NBDY: variants seen among roughly 807,000 people sequenced by gnomAD.
NBDY encodes P-body dissociating protein.
At chrX:56,784,069 G>A (rs748464956) in intron 2 of NBDY, among the ~76,000 whole-genome samples, 103 of 111,723 alleles carry the variant, frequency 9.2e-4, no homozygotes, top group African/African-American at 3.3e-3. Context: ...GGTCGCACTG[G>A]GGGCAGTGTG....
intron 2 of NBDY, among the ~76,000 whole-genome samples, chrX:56,735,123 G>A (rs1256626384): frequency 8.9e-6 from 1 of 111,957 alleles, no homozygotes; most frequent in Non-Finnish European, 1.9e-5. Flanking sequence ...GACAGCTTTT[G>A]ATAATAGAAA....
intron 2 of NBDY, among the ~76,000 whole-genome samples, chrX:56,755,063 G>A (rs1193680199): frequency 1.8e-5 from 2 of 111,524 alleles, no homozygotes; most frequent in Non-Finnish European, 1.9e-5. Context: ...TTAATAAATG[G>A]TGCTGGGAAA....
At chrX:56,736,242 G>T (rs1157332148) in intron 2 of NBDY, among the ~76,000 whole-genome samples, 3 of 111,956 alleles carry the variant, frequency 2.7e-5, no homozygotes, top group Non-Finnish European at 5.6e-5. Context: ...ATTTAGGGGT[G>T]GAAATGATGA....
At chrX:56,788,653 G>A (rs1025540558) in intron 2 of NBDY, among the ~76,000 whole-genome samples, 1 of 111,764 alleles carries the variant, frequency 8.9e-6, no homozygotes, top group Admixed American at 9.4e-5. Context: ...GGGGCCTTCT[G>A]GCCTTACTGT....
chrX:56,810,828 G>C (rs1431272360), intron 2 of NBDY, among the ~76,000 whole-genome samples: 1 of 111,048 alleles, frequency 9.0e-6, no homozygotes, highest in East Asian at 2.9e-4. Context: ...AGGAGAAAAA[G>C]TGTTCGGTTT....
intron 2 of NBDY, among the ~76,000 whole-genome samples, chrX:56,739,236 G>GTATATATATATATATA (rs67727538): frequency 0.014 from 808 of 57,793 alleles, 31 homozygotes; most frequent in African/African-American, 0.044. Context: ...GTGTTTGTGT[G>GTATATATATATATATA]TGTATATATA....
chrX:56,781,655 T>C (rs1055915992), intron 2 of NBDY, among the ~76,000 whole-genome samples: 8 of 111,704 alleles, frequency 7.2e-5, no homozygotes, highest in Admixed American at 6.6e-4. Context: ...TTACTTTTCG[T>C]CCGCTTCTGT....
chrX:56,750,809 C>T (rs748997320), intron 2 of NBDY, among the ~76,000 whole-genome samples: 174 of 111,360 alleles, frequency 1.6e-3, no homozygotes, highest in African/African-American at 5.3e-3. Flanking sequence ...AACTCTAGTC[C>T]CATTCCCCGG....
At position 56,798,465 on chromosome X, in the gene NBDY, G is replaced by C. The variant is rs778957784; in HGVS notation, c.*167-18855G>C. 1.6e-3 allele frequency among the ~76,000 whole-genome samples: 176 copies of C among 111,563 alleles called. 1 individual carries two copies. The highest frequency in any genetic ancestry group is 9.2e-3 in the Middle Eastern group (2 of 217). ...GAGTTGCTGAGTGTGCTTTCTAAGG[G>C]ATACACCTGCCTCAGGTCCTGTGGC... is the stretch of plus-strand genomic sequence containing the variant. On this transcript the variant is annotated intron_variant, in intron 2 of 2. Transcript: ENST00000374922.
chrX:56,801,025 G>T (rs1370702631), intron 2 of NBDY, among the ~76,000 whole-genome samples: 1 of 111,596 alleles, frequency 9.0e-6, no homozygotes, highest in Non-Finnish European at 1.9e-5. Flanking sequence ...CCCTTGCAGT[G>T]CGCTGATGAC....
chrX:56,744,933 A>G (rs1471002344), intron 2 of NBDY, among the ~76,000 whole-genome samples: 2 of 111,728 alleles, frequency 1.8e-5, no homozygotes, highest in Non-Finnish European at 3.8e-5. Context: ...GGTCTTAGCA[A>G]CTTCAACACA....
chrX:56,781,093 T>G (rs1368170292), intron 2 of NBDY, among the ~76,000 whole-genome samples: 1 of 111,500 alleles, frequency 9.0e-6, no homozygotes, highest in Admixed American at 9.5e-5. Flanking sequence ...AACTTTGGTG[T>G]TGTTAGTTTT....
intron 2 of NBDY, among the ~76,000 whole-genome samples, chrX:56,746,491 A>G (rs973554474): frequency 1.8e-5 from 2 of 111,378 alleles, no homozygotes. Flanking sequence ...TAGAAATTTA[A>G]AAGAACATAT....
chrX:56,767,572 G>A (rs898074004), intron 2 of NBDY, among the ~76,000 whole-genome samples: 2 of 113,297 alleles, frequency 1.8e-5, no homozygotes, highest in Non-Finnish European at 3.8e-5. Context: ...AGCTCGGCGG[G>A]CCCCGCACTC....
At chrX:56,792,215 T>C (rs1252579780) in intron 2 of NBDY, among the ~76,000 whole-genome samples, 1 of 111,139 alleles carries the variant, frequency 9.0e-6, no homozygotes, top group Non-Finnish European at 1.9e-5. Context: ...TGCCCACATG[T>C]TATATTTAAG....
intron 2 of NBDY, among the ~76,000 whole-genome samples, chrX:56,796,652 C>T (rs911487920): frequency 1.8e-5 from 2 of 111,343 alleles, no homozygotes; most frequent in African/African-American, 3.3e-5. Context: ...ATTTCCTCCC[C>T]GTTTTTCATC....
intron 2 of NBDY, among the ~76,000 whole-genome samples, chrX:56,767,327 ATGGCAGCCC>A (rs756309282): frequency 1.8e-5 from 2 of 113,198 alleles, no homozygotes; most frequent in Admixed American, 9.2e-5. Context: ...TGAAAGTCTG[ATGGCAGCCC>A]TGGCAGCCCT....
Position 56,729,344 on chromosome X carries a change from T to G in NBDY, c.-10T>G. Reference sequence around the variant, plus strand: ...CCGGAGAAAACTGACGACCCGTTTCTGTAATCCTTATGGGAGACCAACCTT... The same window carrying G: ...CCGGAGAAAACTGACGACCCGTTTCGGTAATCCTTATGGGAGACCAACCTT... On this transcript the variant is annotated 5_prime_UTR_variant, in exon 1 of 3. Coordinates refer to ENST00000374922, the MANE Select transcript of NBDY (RefSeq NM_001348129.2). The G allele has an allele frequency of 3.4e-6, 1 of 296,864 alleles. No homozygotes were observed. Among genetic ancestry groups the G allele is most frequent in the Middle Eastern group, 8.8e-4 (1 of 1,138 alleles). 24.5% of individuals were successfully genotyped at this position (296,864 alleles called of 1,213,427 possible). A position where few individuals can be genotyped will look rare whatever the true frequency, so the allele number is the denominator to read the frequency against.
intron 2 of NBDY, among the ~76,000 whole-genome samples, chrX:56,752,404 G>C (rs764446293): frequency 1.8e-5 from 2 of 110,493 alleles, no homozygotes; most frequent in Non-Finnish European, 3.8e-5. Flanking sequence ...ATCCTGATTG[G>C]TGTGAGATTT....
Sources: allele counts gnomAD v4.1 joint callset (sites outside exome capture counted in the v4.1 genomes callset), GRCh38; gene constraint gnomAD v4.1.1; transcripts MANE v1.5; gene names NCBI Gene and HGNC (gene_info 2026-07-23, HGNC 2026-07-21).